The following CNTFR variants were observed in gnomAD, a reference collection of about 807,000 sequenced individuals.
CNTFR encodes the protein ciliary neurotrophic factor receptor subunit alpha.
A neutral mutation model predicts 40.4 loss-of-function variants in CNTFR; 12 were observed. The observed-to-expected ratio is 0.30, with a 90% CI of 0.19 to 0.48. CNTFR has a LOEUF of 0.48. CNTFR is among the 20% of genes least tolerant of loss of function. CNTFR has a pLI of 0.99. For missense variants in CNTFR, 414 were observed against 506.8 expected, an observed-to-expected ratio of 0.82 and a Z score of 1.76; for synonymous variants, 202 against 209.6, an observed-to-expected ratio of 0.96 and a Z score of 0.31.
intron 7 of CNTFR, among the ~76,000 whole-genome samples, chr9:34,554,329 A>G (rs1825750724): frequency 6.6e-6 from 1 of 152,024 alleles, no homozygotes; most frequent in Non-Finnish European, 1.5e-5. Context: ...ACAGGGAGGG[A>G]GCCACGGGGA....
At chr9:34,559,644 A>T (rs569067589) in intron 4 of CNTFR, among the ~76,000 whole-genome samples, 1 of 151,452 alleles carries the variant, frequency 6.6e-6, no homozygotes, top group Non-Finnish European at 1.5e-5. Context: ...GGCCAAGGAC[A>T]CAGGAAGTGC....
At chr9:34,573,288 C>T (rs1826771814) in intron 2 of CNTFR, among the ~76,000 whole-genome samples, 1 of 152,218 alleles carries the variant, frequency 6.6e-6, no homozygotes, top group African/African-American at 2.4e-5. Context: ...CCTGGGGAAG[C>T]CCTGCCGCCA....
chr9:34,561,160 C>T (rs1489674823), intron 4 of CNTFR, among the ~76,000 whole-genome samples: 3 of 152,162 alleles, frequency 2.0e-5, no homozygotes, highest in Admixed American at 2.0e-4. Flanking sequence ...ATTCCAACTT[C>T]TGGACTCCCA....
intron 2 of CNTFR, 87 bp from the exon 3 acceptor site, chr9:34,569,068 C>A: frequency 7.7e-7 from 1 of 1,293,550 alleles, no homozygotes; most frequent in Non-Finnish European, 1.1e-6. Flanking sequence ...TCAGGCAAGA[C>A]TGGGAAATCC....
intron 1 of CNTFR, among the ~76,000 whole-genome samples, chr9:34,587,433 C>A (rs1054466740): frequency 1.3e-5 from 2 of 152,128 alleles, no homozygotes; most frequent in African/African-American, 4.8e-5. Context: ...GAGTGAGTCA[C>A]AGGACTTCAA....
At chr9:34,567,621 T>G (rs773964816) in intron 3 of CNTFR, among the ~76,000 whole-genome samples, 1 of 151,038 alleles carries the variant, frequency 6.6e-6, no homozygotes, top group Non-Finnish European at 1.5e-5. Context: ...AGGGAGACAG[T>G]TTAATACAAA....
chr9:34,584,150 T>C (rs1476592873), intron 1 of CNTFR, among the ~76,000 whole-genome samples: 1 of 152,232 alleles, frequency 6.6e-6, no homozygotes, highest in African/African-American at 2.4e-5. Context: ...GGTCTTGAAA[T>C]GGATCCTACT....
chr9:34,556,369 G>T lies in CNTFR; in HGVS notation c.654C>A (p.Asn218Lys), dbSNP rs752667210. The T allele has an allele frequency of 3.1e-6, 5 of 1,613,896 alleles. No homozygotes were observed. In the South Asian group the frequency reaches 5.5e-5, roughly 18 times the overall value. Residue 218 changes from asparagine (N) to lysine (K), a missense_variant, in exon 7 of 10, where the codon AAC becomes AAA. This residue lies in a region of CNTFR where 83 missense variants were observed against 145.0 expected (regional missense o/e 0.57). Coordinates refer to ENST00000378980, the MANE Select transcript of CNTFR (RefSeq NM_147164.3). Reference sequence around the variant, plus strand: ...GCCACGTCACCTCCAGCCGGCGAGGGTTGCTGGGCACTGGCCGGGCTACCA... The same window carrying T: ...GCCACGTCACCTCCAGCCGGCGAGGTTTGCTGGGCACTGGCCGGGCTACCA... ...ENVVARPVPS[N>K]PRRLEVTWQT...
chr9:34,552,304 G>A lies in CNTFR; in HGVS notation c.975C>T (p.Ser325=), dbSNP rs1219026405. 1.3e-6 allele frequency: 2 copies of A among 1,541,754 alleles called. No individual in the cohort carries two copies. The highest frequency in any genetic ancestry group is 2.7e-5 in the African/African-American group (2 of 73,070). ...AAETTTSTTS[S]LAPPPTTKIC... is the part of the protein sequence containing the mutation. ...TCTTCGTGGTAGGTGGGGGTGCCAG[G>A]GAGCTGGTGGTGCTGGTCGTGGTCT... The change falls in exon 9 of 10, where the codon TCC becomes TCT. Residue 325 remains serine, a synonymous_variant. Transcript: ENST00000378980. The surrounding 1 kb of genome is among the most constrained non-coding windows in gnomAD (Gnocchi z 5.1).
chr9:34,575,789 T>G (rs1426987599), intron 2 of CNTFR, among the ~76,000 whole-genome samples: 3 of 151,954 alleles, frequency 2.0e-5, no homozygotes, highest in East Asian at 1.9e-4. Flanking sequence ...GAGCCAGAGT[T>G]GGGTGGGGGG....
intron 3 of CNTFR, among the ~76,000 whole-genome samples, chr9:34,567,240 G>C (rs1212444503): frequency 6.6e-6 from 1 of 152,142 alleles, no homozygotes; most frequent in East Asian, 1.9e-4. Flanking sequence ...GCTGTGAAAA[G>C]GTTGTTAGAA....
At position 34,564,606 on chromosome 9, in the gene CNTFR, A is replaced by G. The variant is rs748289635; in HGVS notation, c.312T>C (p.His104=). 2 of 1,609,700 alleles carry G rather than the reference A, an allele frequency of 1.2e-6. No homozygotes were observed. The highest frequency in any genetic ancestry group is 4.5e-5 in the East Asian group (2 of 44,702). ...GGTGGGGGCAACACTTACAGCCCAC[A>G]TGCAGCAGGACTTGGTGGCGCAGGT... The part of the protein sequence containing the change: ...SWHLRHQVLL[H]VGLPPREPVL... The change falls in exon 4 of 10, where the codon CAT becomes CAC. Residue 104 remains histidine, a synonymous_variant. Transcript: ENST00000378980.
intron 3 of CNTFR, among the ~76,000 whole-genome samples, chr9:34,567,194 G>A (rs2132172446): frequency 6.6e-6 from 1 of 152,236 alleles, no homozygotes; most frequent in South Asian, 2.1e-4. Flanking sequence ...TGGGGTTCTT[G>A]GCCCTGAAGC....
rs761328862 is a variant in CNTFR, at chr9:34,564,674, C to T, written c.244G>A (p.Gly82Ser). The change falls in exon 4 of 10, where the codon GGC becomes AGC. Residue 82 changes from glycine (G) to serine (S), a missense_variant. By Grantham distance (56) the Gly-to-Ser change is moderately conservative (BLOSUM62 0). Around this residue, in one of 3 missense-constraint regions of CNTFR, gnomAD observed 250 missense variants for 269.5 expected, o/e 0.93. Coordinates refer to ENST00000378980, the MANE Select transcript of CNTFR (RefSeq NM_147164.3). ...SQLVLHGLEL[G>S]HSGLYACFHR... is the part of the protein sequence containing the mutation. The stretch of plus-strand genomic sequence containing the variant: ...AAGCAGGCGTAGAGGCCACTGTGGC[C>T]CAGTTCCAGGCCATGGAGCACCAGC... 1.2e-6 allele frequency: 2 copies of T among 1,613,700 alleles called. No individual in the cohort carries two copies. The highest frequency in any genetic ancestry group is 2.7e-5 in the African/African-American group (2 of 74,856).
rs764285898 is a variant in CNTFR, at chr9:34,564,761, C to T, written c.157G>A (p.Ala53Thr). 17 of 1,614,176 alleles carry T rather than the reference C, an allele frequency of 1.1e-5. No individual in the cohort carries two copies. The highest frequency in any genetic ancestry group is 1.4e-5 in the Non-Finnish European group (17 of 1,180,018). Reference protein sequence around the residue: ...TLPCGTANWDAAVTWRVNGTD... With the variant: ...TLPCGTANWDTAVTWRVNGTD... Reference sequence around the variant, plus strand: ...CCATTTACCCGCCACGTCACCGCAGCATCCCAGTTTGCTGTCCCACATGGC... The same window carrying T: ...CCATTTACCCGCCACGTCACCGCAGTATCCCAGTTTGCTGTCCCACATGGC... Residue 53 changes from alanine (A) to threonine (T), a missense_variant, in exon 4 of 10, where the codon GCT becomes ACT. This residue lies in a region of CNTFR where 250 missense variants were observed against 269.5 expected (regional missense o/e 0.93). Transcript: ENST00000378980.
intron 4 of CNTFR, among the ~76,000 whole-genome samples, chr9:34,564,313 C>A (rs1285519352): frequency 2.0e-5 from 3 of 152,308 alleles, no homozygotes; most frequent in Admixed American, 6.5e-5. Context: ...GTGAGCCATG[C>A]CTTACCAGCT....
chr9:34,580,065 A>G (rs1204079370), intron 2 of CNTFR: 1 of 152,096 alleles, frequency 6.6e-6, no homozygotes, highest in East Asian at 1.9e-4. Flanking sequence ...CAGGGAGCCC[A>G]TTCTTTCCCC....
At chr9:34,585,966 C>T (rs1004222606) in intron 1 of CNTFR, among the ~76,000 whole-genome samples, 2 of 152,212 alleles carry the variant, frequency 1.3e-5, no homozygotes, top group Non-Finnish European at 2.9e-5. Flanking sequence ...GTCTTGCCTC[C>T]AAGCCTCCCA....
chr9:34,568,593 T>C (rs1826417429), intron 3 of CNTFR, among the ~76,000 whole-genome samples: 1 of 151,972 alleles, frequency 6.6e-6, no homozygotes, highest in African/African-American at 2.4e-5. Flanking sequence ...TTCACCCAGA[T>C]ACAATATACA....
Sources: gnomAD v4.1 joint callset for allele counts (sites outside exome capture counted in the v4.1 genomes callset) on GRCh38, gnomAD v4.1.1 for gene constraint, gnomAD v4.1.1 regional missense constraint, Gnocchi (gnomAD v3.1) non-coding constraint, MANE v1.5 for transcripts, NCBI Gene and HGNC (gene_info 2026-07-23, HGNC 2026-07-21) for gene names.